ARHGAP39: variants seen among roughly 807,000 people sequenced by gnomAD.
ARHGAP39 encodes Rho GTPase activating protein 39.
In ARHGAP39, 44 loss-of-function variants were observed where a neutral mutation model predicts 106.9. That is an observed-to-expected ratio of 0.41 (90% CI 0.32 to 0.53). The LOEUF (loss-of-function observed/expected upper bound fraction) is 0.53. Ranked by LOEUF, ARHGAP39 falls within the 20% of genes least tolerant of loss-of-function variation. The pLI, the probability that ARHGAP39 is intolerant of heterozygous loss-of-function variation, is 0.21. For missense variants in ARHGAP39, 1,496 were observed against 1,577.3 expected (o/e 0.95, Z 0.87); for synonymous variants, 768 against 693.2 (o/e 1.11, Z -1.69).
In ARHGAP39 at chr8:144,533,211, G is replaced by C. The variant is rs757939879; in HGVS notation, c.2803C>G (p.Pro935Ala). 1 of 1,612,864 alleles carries C rather than the reference G, an allele frequency of 6.2e-7. No homozygotes were observed. Among genetic ancestry groups the C allele is most frequent in the South Asian group, 1.1e-5 (1 of 91,086 alleles). Reference sequence around the variant, plus strand: ...TGCACCCAGGGCAGCTGGCGCTCGGGGTAGCGCTCTCTCTGCATGCCCATG... The same window carrying C: ...TGCACCCAGGGCAGCTGGCGCTCGGCGTAGCGCTCTCTCTGCATGCCCATG... ...EVMGMQRERY[P>A]ERQLPWVQTR... Residue 935 changes from proline to alanine, a missense_variant, in exon 9 of 12, where the codon CCC becomes GCC. Pro to Ala is a conservative substitution (Grantham distance 27, BLOSUM62 -1). Transcript: ENST00000377307.
intron 1 of ARHGAP39, among the ~76,000 whole-genome samples, chr8:144,615,835 G>A (rs940629893): frequency 3.3e-5 from 5 of 152,348 alleles, no homozygotes; most frequent in Non-Finnish European, 5.9e-5. Context: ...GCAAAGACAC[G>A]ACCCCAGTGA....
the ARHGAP39 span, chr8:144,700,225 G>A: frequency 6.6e-6 from 1 of 152,262 alleles, no homozygotes; most frequent in Non-Finnish European, 1.5e-5. This position sits in a 1 kb window ranked among gnomAD's most constrained non-coding sequence, Gnocchi z 5.6. Context: ...GTACGACCGC[G>A]GTGTCGGGTC....
chr8:144,529,655 T>C lies in ARHGAP39; in HGVS notation c.*767A>G, dbSNP rs528997272. On this transcript the variant is annotated 3_prime_UTR_variant, in exon 12 of 12. Coordinates refer to ENST00000377307, the MANE Select transcript of ARHGAP39 (RefSeq NM_025251.3). ...AGATAAATAGCATTTAGGTTAAAAC[T>C]ATGTCATTAGCAAATTTAGTTCTTA... is the stretch of plus-strand genomic sequence containing the variant. 3 of 152,304 alleles carry C rather than the reference T, an allele frequency of 2.0e-5. No homozygotes were observed. The highest frequency in any genetic ancestry group is 2.9e-5 in the Non-Finnish European group (2 of 68,018). 9.4% of individuals were successfully genotyped at this position (152,304 alleles called of 1,614,324 possible). A position where few individuals can be genotyped will look rare whatever the true frequency, so the allele number is the denominator to read the frequency against.
chr8:144,599,089 C>T (rs1171998619), intron 2 of ARHGAP39, among the ~76,000 whole-genome samples: 1 of 152,196 alleles, frequency 6.6e-6, no homozygotes, highest in Non-Finnish European at 1.5e-5. Context: ...TTGACGGCCC[C>T]GATGGCCCGG....
chr8:144,561,841 C>G (rs1411168086), intron 3 of ARHGAP39, among the ~76,000 whole-genome samples: 1 of 147,748 alleles, frequency 6.8e-6, no homozygotes, highest in Non-Finnish European at 1.5e-5. Context: ...CCATCGGGCT[C>G]CAGTGGTTTC....
At chr8:144,685,596 G>A (rs1371160708) in intron 1 of ARHGAP39, among the ~76,000 whole-genome samples, 90 bp downstream of exon 1, 5 of 148,908 alleles carry the variant, frequency 3.4e-5, no homozygotes, top group African/African-American at 1.2e-4. Flanking sequence ...CCTCCGCCGA[G>A]GCTGGGCCAG....
intron 4 of ARHGAP39, among the ~76,000 whole-genome samples, chr8:144,549,618 G>GTA (rs2130848848): frequency 6.6e-6 from 1 of 151,954 alleles, no homozygotes; most frequent in East Asian, 1.9e-4. Flanking sequence ...TCAGCCTCCC[G>GTA]AGTAGCTGGG....
At chr8:144,683,585 G>C (rs1403321469) in intron 1 of ARHGAP39, 1 of 151,858 alleles carries the variant, frequency 6.6e-6, no homozygotes, top group Non-Finnish European at 1.5e-5. Context: ...GACCTCAAGC[G>C]ATCTGCTCGC....
intron 3 of ARHGAP39, among the ~76,000 whole-genome samples, chr8:144,575,464 C>T (rs766339693): frequency 7.9e-5 from 12 of 151,582 alleles, no homozygotes; most frequent in African/African-American, 2.4e-4. Context: ...TTTAAAATTT[C>T]TTAAACTGAC....
rs1822098468 is a variant in ARHGAP39, at chr8:144,671,484, A to C, written c.-82+14202T>G. On this transcript the variant is annotated intron_variant, in intron 1 of 11. Transcript: ENST00000377307. This position sits in a 1 kb window ranked among gnomAD's most constrained non-coding sequence, Gnocchi z 4.5. Reference sequence around the variant, plus strand: ...GAGACAGTGTCACTCTACACGCTGCAAACACCACCCTCCCACCTGCTCCCT... The same window carrying C: ...GAGACAGTGTCACTCTACACGCTGCCAACACCACCCTCCCACCTGCTCCCT... 6.6e-6 allele frequency among the ~76,000 whole-genome samples: 1 copy of C among 152,174 alleles called. No individual in the cohort carries two copies. Among genetic ancestry groups the C allele is most frequent in the Admixed American group, 6.5e-5 (1 of 15,270 alleles).
chr8:144,530,534 C>T lies in ARHGAP39; in HGVS notation c.3233G>A (p.Arg1078His). The T allele has an allele frequency of 4.3e-6, 7 of 1,610,858 alleles. No individual in the cohort carries two copies. The highest frequency in any genetic ancestry group is 1.1e-5 in the South Asian group (1 of 90,910). The stretch of plus-strand genomic sequence containing the variant: ...GACGCGCGGGTCGTCGGACTGGCAG[C>T]GCAAGCAGTTGGGCGCCATCACCAT... ...LAMVMAPNCL[R>H]CQSDDPRVIF... Residue 1078 changes from arginine to histidine, a missense_variant, in exon 12 of 12, where the codon CGC (arginine) becomes CAC (histidine). By Grantham distance (29) the Arg-to-His change is conservative (BLOSUM62 0). This residue lies in a region of ARHGAP39 where 470 missense variants were observed against 605.1 expected (regional missense o/e 0.78). Transcript: ENST00000377307.
intron 2 of ARHGAP39, among the ~76,000 whole-genome samples, chr8:144,592,741 G>C (rs1299346476): frequency 6.6e-6 from 1 of 152,178 alleles, no homozygotes; most frequent in Admixed American, 6.5e-5. Flanking sequence ...GCTGGGCCTT[G>C]GGGAGCTGCT....
chr8:144,569,216 T>C (rs765799556), intron 3 of ARHGAP39, among the ~76,000 whole-genome samples: 1 of 152,114 alleles, frequency 6.6e-6, no homozygotes, highest in Non-Finnish European at 1.5e-5. Context: ...ACAAAGAGGG[T>C]CAATGATGAA....
At chr8:144,648,864 G>C (rs1453315457) in intron 1 of ARHGAP39, among the ~76,000 whole-genome samples, 1 of 152,022 alleles carries the variant, frequency 6.6e-6, no homozygotes, top group Non-Finnish European at 1.5e-5. Flanking sequence ...GTGTTAAGAG[G>C]GAAATTCATA....
intron 1 of ARHGAP39, among the ~76,000 whole-genome samples, chr8:144,653,114 A>C (rs1821613577): frequency 6.6e-6 from 1 of 152,118 alleles, no homozygotes; most frequent in Non-Finnish European, 1.5e-5. Context: ...CCTGATCAAC[A>C]TGGTGAAACC....
intron 1 of ARHGAP39, among the ~76,000 whole-genome samples, chr8:144,650,733 C>G (rs1427624226): frequency 1.3e-5 from 2 of 152,014 alleles, no homozygotes; most frequent in East Asian, 1.9e-4. Flanking sequence ...CTCAATAAAC[C>G]AAGTATTGAA....
At chr8:144,691,837 C>T in the ARHGAP39 span, among the ~76,000 whole-genome samples, 1 of 150,962 alleles carries the variant, frequency 6.6e-6, no homozygotes, top group Non-Finnish European at 1.5e-5. Flanking sequence ...TTCTTTGGAT[C>T]GGGTGAGGGC....
rs1386130010 is a variant in ARHGAP39, at chr8:144,530,455, G to A, written c.3312C>T (p.His1104=). ...EMSFLRVLIQ[H]LDTSFMEGVL is the part of the protein sequence containing the mutation. ...CACCCTCCATGAAGCTGGTGTCCAG[G>A]TGCTGGATGAGCACCCGCAGGAAGG... is the stretch of plus-strand genomic sequence containing the variant. The change falls in exon 12 of 12, where the codon CAC becomes CAT. Residue 1104 remains histidine (H), a synonymous_variant. Coordinates refer to ENST00000377307, the MANE Select transcript of ARHGAP39 (RefSeq NM_025251.3). 1 of 1,610,264 alleles carries A rather than the reference G, an allele frequency of 6.2e-7. No homozygotes were observed. The highest frequency in any genetic ancestry group is 1.1e-5 in the South Asian group (1 of 90,680).
chr8:144,685,362 C>T lies in ARHGAP39; in HGVS notation c.-82+324G>A, dbSNP rs540995114. On this transcript the variant is annotated intron_variant, in intron 1 of 11. Transcript: ENST00000377307. ...TCACTCTGGACAGGGTACAGTCACA[C>T]CCACTTCGGGCCGGGCACACGCGAA... Among the ~76,000 whole-genome samples the T allele has an allele frequency of 5.9e-5, 9 of 151,996 alleles. No individual in the cohort carries two copies. In the South Asian group the frequency reaches 1.9e-3, roughly 32 times the overall value.
Sources: gnomAD v4.1 joint callset for allele counts (sites outside exome capture counted in the v4.1 genomes callset) on GRCh38, gnomAD v4.1.1 for gene constraint, gnomAD v4.1.1 regional missense constraint, Gnocchi (gnomAD v3.1) non-coding constraint, MANE v1.5 for transcripts, NCBI Gene and HGNC (gene_info 2026-07-23, HGNC 2026-07-21) for gene names.